The following CUX1 variants were observed in gnomAD, a reference collection of about 807,000 sequenced individuals.
The protein encoded by CUX1 is protein CASP.
In CUX1, 31 loss-of-function variants were observed where a neutral mutation model predicts 158.8. That is an observed-to-expected ratio of 0.20 (90% CI 0.15 to 0.26). The LOEUF (loss-of-function observed/expected upper bound fraction) is 0.26. CUX1 is among the 10% of genes least tolerant of loss of function. CUX1 has a pLI of 1.00. For synonymous variants in CUX1, 879 were observed against 862.1 expected (o/e 1.02, Z -0.34); for missense variants, 1,589 against 2,014.6 (o/e 0.79, Z 4.04).
intron 2 of CUX1, among the ~76,000 whole-genome samples, chr7:102,007,094 G>A (rs1266342609): frequency 6.6e-6 from 1 of 151,958 alleles, no homozygotes; most frequent in East Asian, 1.9e-4. Flanking sequence ...ATGCCCCGAG[G>A]TCTTCACTGA....
At chr7:102,222,076 T>C (rs1797863777) in intron 20 of CUX1, among the ~76,000 whole-genome samples, 1 of 151,942 alleles carries the variant, frequency 6.6e-6, no homozygotes, top group Non-Finnish European at 1.5e-5. Context: ...CTGGGCAACA[T>C]AGCAAGACCC....
At chr7:102,016,859 T>C (rs966960397) in intron 2 of CUX1, among the ~76,000 whole-genome samples, 3 of 152,232 alleles carry the variant, frequency 2.0e-5, no homozygotes, top group Admixed American at 1.3e-4. Context: ...TGTCTAAATA[T>C]TAGCAGGGCC....
At chr7:102,132,279 ATATG>A (rs1483074482) in intron 8 of CUX1, among the ~76,000 whole-genome samples, 11 of 145,724 alleles carry the variant, frequency 7.5e-5, no homozygotes, top group African/African-American at 2.8e-4. Flanking sequence ...TTTGCAATAT[ATATG>A]AGAGAGAGAG....
intron 8 of CUX1, among the ~76,000 whole-genome samples, chr7:102,126,651 G>A (rs1243376174): frequency 2.0e-5 from 3 of 152,222 alleles, no homozygotes; most frequent in African/African-American, 4.8e-5. Context: ...ACGTTAATTA[G>A]TCTACAGTTA....
chr7:102,193,468 A>C (rs1442717808), intron 12 of CUX1, among the ~76,000 whole-genome samples: 2 of 152,206 alleles, frequency 1.3e-5, no homozygotes, highest in African/African-American at 2.4e-5. Context: ...GAGAGCAGGA[A>C]ATTGTAATGT....
At chr7:102,082,496 G>A (rs2130760704) in intron 4 of CUX1, among the ~76,000 whole-genome samples, 1 of 147,420 alleles carries the variant, frequency 6.8e-6, no homozygotes, top group Non-Finnish European at 1.5e-5. Flanking sequence ...TCCAGCCTGG[G>A]CAACAGAGCG....
Position 102,082,412 on chromosome 7 carries a change from G to A in CUX1, c.268+11995G>A, listed in dbSNP as rs1435427976. Among the ~76,000 whole-genome samples the A allele has an allele frequency of 4.8e-5, 7 of 146,752 alleles. 1 individual carries two copies. Among genetic ancestry groups the A allele is most frequent in the Admixed American group, 2.1e-4 (3 of 14,544 alleles). ...GTAATGGCAGGCGCCTGTAATCCCA[G>A]CTACTCAGGAGGCTGACGCAGGAGA... On this transcript the variant is annotated intron_variant, in intron 4 of 23. Coordinates refer to ENST00000292535, the MANE Select transcript of CUX1 (RefSeq NM_181552.4).
chr7:102,240,458 C>T lies in CUX1; in HGVS notation c.3887+874C>T, dbSNP rs191082187. Among the ~76,000 whole-genome samples the T allele has an allele frequency of 3.9e-5, 6 of 151,976 alleles. No individual in the cohort carries two copies. In the East Asian group the frequency reaches 1.2e-3, roughly 30 times the overall value. On this transcript the variant is annotated intron_variant, in intron 23 of 23. Coordinates refer to ENST00000292535, the MANE Select transcript of CUX1 (RefSeq NM_181552.4). ...TTTTTATAGAGACAGGGGTCTCGCT[C>T]TGTTGCCCAAGCTGGTCTCAAACTC...
rs1039626385 is a variant in CUX1, at chr7:101,842,899, GTCTC to G, written c.30+25236_30+25239del. Among the ~76,000 whole-genome samples the G allele has an allele frequency of 7.8e-5, 10 of 128,004 alleles. 1 individual carries two copies. The highest frequency in any genetic ancestry group is 2.5e-4 in the Admixed American group (3 of 11,850). 84.0% of individuals were successfully genotyped at this position (128,004 alleles called of 152,430 possible). ...TTTTTTTTTTTTTTTTTGAGACAGA[GTCTC>G]TCTCTGTCGCCCAGGCTGGAGTGCA... On this transcript the variant is annotated intron_variant, in intron 1 of 23. Coordinates refer to ENST00000292535, the MANE Select transcript of CUX1 (RefSeq NM_181552.4).
intron 1 of CUX1, among the ~76,000 whole-genome samples, chr7:101,861,657 T>C (rs920526893): frequency 1.3e-5 from 2 of 152,132 alleles, no homozygotes; most frequent in African/African-American, 4.8e-5. Flanking sequence ...CCAGTCCTGA[T>C]TTGGTGGTGC....
At chr7:102,213,144 A>G (rs1157271783) in intron 20 of CUX1, among the ~76,000 whole-genome samples, 2 of 152,176 alleles carry the variant, frequency 1.3e-5, no homozygotes, top group Admixed American at 1.3e-4. Context: ...ACACCCAGCC[A>G]GATGTCTGCT....
intron 2 of CUX1, among the ~76,000 whole-genome samples, chr7:101,957,652 G>A (rs564336816): frequency 1.6e-4 from 25 of 152,246 alleles, no homozygotes; most frequent in Non-Finnish European, 3.2e-4. Flanking sequence ...TTTGAACCTG[G>A]GAGGTGGAGG....
intron 3 of CUX1, among the ~76,000 whole-genome samples, chr7:102,056,988 G>T (rs557518392): frequency 6.7e-6 from 1 of 150,014 alleles, no homozygotes; most frequent in Non-Finnish European, 1.5e-5. Flanking sequence ...TGCAACCTCT[G>T]CCTCCTGGGT....
At chr7:101,954,323 C>G (rs1809485349) in intron 2 of CUX1, among the ~76,000 whole-genome samples, 1 of 152,170 alleles carries the variant, frequency 6.6e-6, no homozygotes, top group Non-Finnish European at 1.5e-5. Flanking sequence ...GCACTCCAGC[C>G]TGGGTGACAG....
At chr7:102,042,877 C>T (rs1337743974) in intron 3 of CUX1, among the ~76,000 whole-genome samples, 4 of 152,100 alleles carry the variant, frequency 2.6e-5, no homozygotes, top group African/African-American at 4.8e-5. Context: ...GCAGCCTTGA[C>T]CTCCCGGGCT....
chr7:101,856,294 A>G (rs928089418), intron 1 of CUX1, among the ~76,000 whole-genome samples: 6 of 152,128 alleles, frequency 3.9e-5, no homozygotes, highest in African/African-American at 1.4e-4. Context: ...GGAGCCGTTA[A>G]TCACGACCCA....
chr7:101,968,705 G>A (rs1433157065), intron 2 of CUX1, among the ~76,000 whole-genome samples: 1 of 152,158 alleles, frequency 6.6e-6, no homozygotes, highest in Non-Finnish European at 1.5e-5. Context: ...TTATAGGCAT[G>A]AGCCACCATG....
In CUX1 at chr7:102,201,213, T is replaced by C. The variant is rs1053437578; in HGVS notation, c.2063-147T>C. On this transcript the variant is annotated intron_variant, in intron 17 of 23. Transcript: ENST00000292535. This position sits in a 1 kb window ranked among gnomAD's most constrained non-coding sequence, Gnocchi z 5.0. ...GGTTGAGACAAGATGCCTGAATGTTTCACTGACAGGGGCCATGCTGGGGAA... is the reference window on the plus strand; with the variant it reads ...GGTTGAGACAAGATGCCTGAATGTTCCACTGACAGGGGCCATGCTGGGGAA... The C allele has an allele frequency of 3.2e-6, 4 of 1,232,230 alleles. No homozygotes were observed. The highest frequency in any genetic ancestry group is 4.5e-6 in the Non-Finnish European group (4 of 887,390). 76.3% of individuals were successfully genotyped at this position (1,232,230 alleles called of 1,614,324 possible).
At chr7:101,903,730 C>T (rs942755327) in intron 1 of CUX1, among the ~76,000 whole-genome samples, 3 of 152,114 alleles carry the variant, frequency 2.0e-5, no homozygotes, top group South Asian at 2.1e-4. Context: ...CACATCTCAC[C>T]GTTTAAATGA....
Sources: allele counts gnomAD v4.1 joint callset (sites outside exome capture counted in the v4.1 genomes callset), GRCh38; gene constraint gnomAD v4.1.1; non-coding constraint Gnocchi (gnomAD v3.1); transcripts MANE v1.5; gene names NCBI Gene and HGNC (gene_info 2026-07-23, HGNC 2026-07-21).